MUCL3: variants seen among roughly 807,000 people sequenced by gnomAD.
The protein encoded by MUCL3 is mucin like 3.
Under a neutral mutation model 70.2 loss-of-function variants are expected in MUCL3, and 42 were observed. The observed-to-expected ratio is 0.60, with a 90% CI of 0.47 to 0.77. MUCL3 has a LOEUF of 0.77. Among genes scored for constraint, MUCL3 ranks in the 30% least tolerant of loss-of-function variants. The pLI, the probability that MUCL3 is intolerant of heterozygous loss-of-function variation, is 0.00. For synonymous variants in MUCL3, 522 were observed against 647.0 expected (o/e 0.81, Z 2.93); for missense variants, 1,429 against 1,670.0 (o/e 0.86, Z 2.52).
intron 1 of MUCL3, among the ~76,000 whole-genome samples, chr6:30,947,527 C>T (rs1795826145): frequency 6.6e-6 from 1 of 151,962 alleles, no homozygotes; most frequent in Admixed American, 6.6e-5. Flanking sequence ...TTGGCCTTCA[C>T]TCTTTTGGCT....
intron 1 of MUCL3, among the ~76,000 whole-genome samples, chr6:30,944,619 C>A (rs1351064927): frequency 1.3e-5 from 2 of 152,150 alleles, no homozygotes; most frequent in Non-Finnish European, 2.9e-5. Flanking sequence ...ATGGCGGGGA[C>A]CTTTGGCACT....
At chr6:30,948,485 G>A in intron 1 of MUCL3, 62 bp from the exon 2 acceptor site, 8 of 1,289,986 alleles carry the variant, frequency 6.2e-6, no homozygotes, top group Non-Finnish European at 8.4e-6. Flanking sequence ...AGAAGGAGGT[G>A]GGAAGGGGGA....
intron 1 of MUCL3, among the ~76,000 whole-genome samples, chr6:30,947,803 C>T (rs968260206): frequency 1.5e-4 from 23 of 151,780 alleles, no homozygotes; most frequent in African/African-American, 5.6e-4. Flanking sequence ...AGGGTTGGGT[C>T]ATCTCATCCA....
chr6:30,953,312 G>A lies in MUCL3; in HGVS notation c.*195G>A. Reference sequence around the variant, plus strand: ...AAGCAAGGAGGGTGTAAGTTTAGGGGACAAAGAAGAAAGAATGAATAATAC... The same window carrying A: ...AAGCAAGGAGGGTGTAAGTTTAGGGAACAAAGAAGAAAGAATGAATAATAC... On this transcript the variant is annotated 3_prime_UTR_variant, in exon 3 of 3. Transcript: ENST00000462446. 1 of 716,442 alleles carries A rather than the reference G, an allele frequency of 1.4e-6. No individual in the cohort carries two copies. The highest frequency in any genetic ancestry group is 2.2e-6 in the Non-Finnish European group (1 of 445,698). The allele number at this position is 716,442 out of a possible 1,614,324, so 44.4% of individuals were successfully genotyped here. A position where few individuals can be genotyped will look rare whatever the true frequency, so the allele number is the denominator to read the frequency against.
rs751130510 is a variant in MUCL3, at chr6:30,949,900, C to T, written c.1436C>T (p.Pro479Leu). 6.5e-5 allele frequency: 100 copies of T among 1,550,224 alleles called. No homozygotes were observed. Among genetic ancestry groups the T allele is most frequent in the Non-Finnish European group, 7.1e-5 (81 of 1,146,578 alleles). ...AAGACCACACTATCCCCAGTAGAGC[C>T]TACAGAAAATAGAGAAACAACAGCC... ...NEKTTLSPVE[P>L]TENRETTANE... Residue 479 changes from proline (P) to leucine (L), a missense_variant, in exon 2 of 3, where the codon CCT becomes CTT. Coordinates refer to ENST00000462446, the MANE Select transcript of MUCL3 (RefSeq NM_080870.4).
chr6:30,945,171 G>T (rs1356285207), intron 1 of MUCL3, among the ~76,000 whole-genome samples: 1 of 152,186 alleles, frequency 6.6e-6, no homozygotes, highest in African/African-American at 2.4e-5. Flanking sequence ...AATACATTTG[G>T]TTTTTACTTA....
At position 30,953,873 on chromosome 6, in the gene MUCL3, T is replaced by A. The variant is rs1233622784; in HGVS notation, c.*756T>A. 6.6e-6 allele frequency: 1 copy of A among 152,202 alleles called. No homozygotes were observed. The highest frequency in any genetic ancestry group is 1.5e-5 in the Non-Finnish European group (1 of 68,034). The allele number at this position is 152,202 out of a possible 1,614,324, so 9.4% of individuals were successfully genotyped here. ...GGACACGCAAGGAGGGGATTTTTATTTGGCCAGCAGTCTCACCCACTGATC... is the reference window on the plus strand; with the variant it reads ...GGACACGCAAGGAGGGGATTTTTATATGGCCAGCAGTCTCACCCACTGATC... On this transcript the variant is annotated 3_prime_UTR_variant, in exon 3 of 3. Transcript: ENST00000462446.
rs372005612 is a variant in MUCL3 at position 30,941,571 on chromosome 6, T to G, written c.82+490T>G. On this transcript the variant is annotated intron_variant, in intron 1 of 2. Coordinates refer to ENST00000462446, the MANE Select transcript of MUCL3 (RefSeq NM_080870.4). ...GCCTCCCGGGTTCAAGCGATTCTTC[T>G]GCCTCAGTCTCCTGGGTAACTGGGA... 3.1e-4 allele frequency among the ~76,000 whole-genome samples: 47 copies of G among 151,504 alleles called. No individual in the cohort carries two copies. The South Asian group carries it at 9.2e-3, about 30-fold the overall frequency.
chr6:30,945,842 T>A (rs2150608062), intron 1 of MUCL3: 1 of 152,296 alleles, frequency 6.6e-6, no homozygotes, highest in East Asian at 1.9e-4. Flanking sequence ...TAGTCCCAGC[T>A]ACTCAGGAGG....
chr6:30,944,358 T>A (rs1795704081), intron 1 of MUCL3, among the ~76,000 whole-genome samples: 1 of 152,182 alleles, frequency 6.6e-6, no homozygotes, highest in Non-Finnish European at 1.5e-5. Flanking sequence ...CTTGGCTCAC[T>A]GCAGCCTCTG....
Position 30,949,882 on chromosome 6 carries a change from C to A in MUCL3, c.1418C>A (p.Thr473Lys), listed in dbSNP as rs1760533425. The change falls in exon 2 of 3, where the codon ACA (threonine) becomes AAA (lysine). Residue 473 changes from threonine to lysine, a missense_variant. By Grantham distance (78) the Thr-to-Lys change is moderately conservative (BLOSUM62 -1). Coordinates refer to ENST00000462446, the MANE Select transcript of MUCL3 (RefSeq NM_080870.4). ...NRETTANEKT[T>K]LSPVEPTENR... ...GAAACGACAGCCAACGAGAAGACCA[C>A]ACTATCCCCAGTAGAGCCTACAGAA... 6.5e-7 allele frequency: 1 copy of A among 1,549,678 alleles called. No individual in the cohort carries two copies. The highest frequency in any genetic ancestry group is 1.4e-5 in the African/African-American group (1 of 72,424).
At position 30,953,273 on chromosome 6, in the gene MUCL3, G is replaced by C; in HGVS notation, c.*156G>C. The C allele has an allele frequency of 8.6e-7, 1 of 1,166,120 alleles. No homozygotes were observed. The highest frequency in any genetic ancestry group is 1.2e-6 in the Non-Finnish European group (1 of 854,210). The allele number at this position is 1,166,120 out of a possible 1,614,324, so 72.2% of individuals were successfully genotyped here. ...CTTCATCTGTTCTTGAAACTGGTTG[G>C]GGAATGAGGTGATAAGCAAGGAGGG... On this transcript the variant is annotated 3_prime_UTR_variant, in exon 3 of 3. Coordinates refer to ENST00000462446, the MANE Select transcript of MUCL3 (RefSeq NM_080870.4).
At chr6:30,941,520 C>T (rs1389176125) in intron 1 of MUCL3, among the ~76,000 whole-genome samples, 2 of 145,662 alleles carry the variant, frequency 1.4e-5, no homozygotes, top group East Asian at 4.0e-4. Context: ...AGTGCAGTGG[C>T]ACAATCTTGG....
At chr6:30,944,547 T>A (rs902540161) in intron 1 of MUCL3, among the ~76,000 whole-genome samples, 1 of 152,210 alleles carries the variant, frequency 6.6e-6, no homozygotes, top group Non-Finnish European at 1.5e-5. Context: ...AGTGTTGGGA[T>A]TGCAGGTATA....
At position 30,952,071 on chromosome 6, in the gene MUCL3, C is replaced by G. The variant is rs749451042; in HGVS notation, c.3607C>G (p.Pro1203Ala). Residue 1203 changes from proline (P) to alanine (A), a missense_variant, in exon 2 of 3, where the codon CCA becomes GCA. Pro to Ala is a conservative substitution (Grantham distance 27). Transcript: ENST00000462446. Reference sequence around the variant, plus strand: ...CATATGCACCAAAGGGAAAAACACACCAGTCCCAGAAAAGCCTACAGAAAA... The same window carrying G: ...CATATGCACCAAAGGGAAAAACACAGCAGTCCCAGAAAAGCCTACAGAAAA... ...KTICTKGKNT[P>A]VPEKPTENLG... 48 of 1,608,120 alleles carry G rather than the reference C, an allele frequency of 3.0e-5. No individual in the cohort carries two copies. The South Asian group carries it at 5.0e-4, about 17-fold the overall frequency.
At position 30,951,111 on chromosome 6, in the gene MUCL3, G is replaced by A; in HGVS notation, c.2647G>A (p.Glu883Lys). Residue 883 changes from glutamate to lysine, a missense_variant, in exon 2 of 3, where the codon GAA becomes AAA. Glu to Lys is a moderately conservative substitution (Grantham distance 56). Coordinates refer to ENST00000462446, the MANE Select transcript of MUCL3 (RefSeq NM_080870.4). ...TLSPAEPTEH[E>K]EMTPLANEKT... ...ATCCCCAGCAGAGCCTACAGAACAT[G>A]AAGAAATGACCCCATTGGCCAATGA... 1 of 1,551,776 alleles carries A rather than the reference G, an allele frequency of 6.4e-7. No homozygotes were observed. The highest frequency in any genetic ancestry group is 2.0e-5 in the Admixed American group (1 of 50,964).
rs1477640586 is a variant in MUCL3 at position 30,951,728 on chromosome 6, A to G, written c.3264A>G (p.Ala1088=). The part of the protein sequence containing the change: ...LSPEGPTEHG[A]KTTSANEKIT... ...CAGAAGGGCCTACAGAACATGGAGCAAAAACTACGTCGGCCAATGAGAAGA... is the reference window on the plus strand; with the variant it reads ...CAGAAGGGCCTACAGAACATGGAGCGAAAACTACGTCGGCCAATGAGAAGA... Residue 1088 remains alanine, a synonymous_variant, in exon 2 of 3, where the codon GCA becomes GCG. Coordinates refer to ENST00000462446, the MANE Select transcript of MUCL3 (RefSeq NM_080870.4). The G allele has an allele frequency of 6.4e-7, 1 of 1,552,264 alleles. No homozygotes were observed. Among genetic ancestry groups the G allele is most frequent in the Non-Finnish European group, 8.7e-7 (1 of 1,147,164 alleles).
In MUCL3 at chr6:30,948,821, C is replaced by T; in HGVS notation, c.357C>T (p.Pro119=). ...KSSTDNHEAP[P]TSEENSSNQG... ...CTACAGATAATCATGAGGCTCCTCC[C>T]ACTTCTGAAGAAAACTCCAGCAACC... Residue 119 remains proline, a synonymous_variant, in exon 2 of 3, where the codon CCC becomes CCT. Transcript: ENST00000462446. 3 of 1,551,668 alleles carry T rather than the reference C, an allele frequency of 1.9e-6. No homozygotes were observed. Among genetic ancestry groups the T allele is most frequent in the Non-Finnish European group, 2.6e-6 (3 of 1,146,980 alleles).
At chr6:30,941,619 C>T (rs1335390550) in intron 1 of MUCL3, among the ~76,000 whole-genome samples, 2 of 151,996 alleles carry the variant, frequency 1.3e-5, no homozygotes, top group Non-Finnish European at 2.9e-5. Context: ...GCCACCACGC[C>T]TGGCTCATTT....
Sources: gnomAD v4.1 joint callset for allele counts (sites outside exome capture counted in the v4.1 genomes callset) on GRCh38, gnomAD v4.1.1 for gene constraint, MANE v1.5 for transcripts, NCBI Gene and HGNC (gene_info 2026-07-23, HGNC 2026-07-21) for gene names.